Variants in SIPA1L3 observed in about 807,000 individuals in gnomAD.
The protein encoded by SIPA1L3 is signal-induced proliferation-associated 1-like protein 3.
SIPA1L3 carries 59 observed loss-of-function variants against 150.1 expected under a neutral mutation model. The observed-to-expected ratio is 0.39, with a 90% CI of 0.32 to 0.49. The LOEUF (loss-of-function observed/expected upper bound fraction) is 0.49, where lower values mean the gene tolerates loss of function less well. Among genes scored for constraint, SIPA1L3 ranks in the 20% least tolerant of loss-of-function variants. The pLI, the probability that SIPA1L3 is intolerant of heterozygous loss-of-function variation, is 0.86. For missense variants in SIPA1L3, 2,211 were observed against 2,489.5 expected (o/e 0.89, Z 2.38); for synonymous variants, 1,070 against 1,077.6 (o/e 0.99, Z 0.14).
intron 4 of SIPA1L3, among the ~76,000 whole-genome samples, chr19:38,090,415 C>T (rs1022389446): frequency 5.9e-5 from 9 of 151,878 alleles, no homozygotes; most frequent in East Asian, 1.9e-4. Context: ...AGTCCTGAGC[C>T]AGTCGCTGTG....
At chr19:38,125,548 C>G (rs1446676265) in intron 9 of SIPA1L3, among the ~76,000 whole-genome samples, 1 of 152,146 alleles carries the variant, frequency 6.6e-6, no homozygotes, top group Non-Finnish European at 1.5e-5. Flanking sequence ...CACCCCCACC[C>G]CCAGTCTCAG....
intron 2 of SIPA1L3, among the ~76,000 whole-genome samples, chr19:38,030,815 G>A (rs966854977): frequency 8.5e-5 from 13 of 152,122 alleles, no homozygotes; most frequent in South Asian, 2.1e-4. Flanking sequence ...TTGCAGTGAC[G>A]CCTTCCTGGA....
chr19:38,008,490 A>G (rs961499129), intron 1 of SIPA1L3, among the ~76,000 whole-genome samples: 1 of 151,774 alleles, frequency 6.6e-6, no homozygotes, highest in Non-Finnish European at 1.5e-5. Flanking sequence ...CAGCCTCCCA[A>G]AGTGCTGGGA....
intron 2 of SIPA1L3, among the ~76,000 whole-genome samples, chr19:38,070,866 C>T (rs1969699278): frequency 6.6e-6 from 1 of 152,238 alleles, no homozygotes; most frequent in Admixed American, 6.5e-5. Flanking sequence ...TCCCTGAGCC[C>T]TCCAGAGTGC....
chr19:38,161,356 A>T (rs1409534048), intron 13 of SIPA1L3, among the ~76,000 whole-genome samples: 1 of 151,246 alleles, frequency 6.6e-6, no homozygotes, highest in Non-Finnish European at 1.5e-5. Flanking sequence ...AAAAAAAAAA[A>T]AAAAACTATG....
chr19:37,977,195 T>G (rs957056890), intron 1 of SIPA1L3, among the ~76,000 whole-genome samples: 2 of 152,044 alleles, frequency 1.3e-5, no homozygotes, highest in Admixed American at 6.6e-5. Context: ...GATGGAGGCT[T>G]GCTCTGTCGC....
At chr19:37,973,050 G>A (rs1437537968) in intron 1 of SIPA1L3, among the ~76,000 whole-genome samples, 1 of 151,848 alleles carries the variant, frequency 6.6e-6, no homozygotes, top group Non-Finnish European at 1.5e-5. Context: ...CTAAAATATA[G>A]GGGTTCCGTT....
chr19:38,059,880 A>T (rs1407572085), intron 2 of SIPA1L3, among the ~76,000 whole-genome samples: 1 of 152,016 alleles, frequency 6.6e-6, no homozygotes, highest in Admixed American at 6.6e-5. Context: ...GGTTCAAGCA[A>T]TTCTCCTGCC....
chr19:38,195,844 G>A (rs973736010), intron 18 of SIPA1L3, among the ~76,000 whole-genome samples: 3 of 75,316 alleles, frequency 4.0e-5, no homozygotes, highest in Non-Finnish European at 5.2e-5. Context: ...CCTACTCACC[G>A]CCTTGTATCC....
chr19:37,998,630 ATAAAT>A (rs1263234716), intron 1 of SIPA1L3, among the ~76,000 whole-genome samples: 1 of 152,142 alleles, frequency 6.6e-6, no homozygotes, highest in African/African-American at 2.4e-5. Context: ...AAAAGTAAAA[ATAAAT>A]TAATTAACCA....
intron 1 of SIPA1L3, among the ~76,000 whole-genome samples, chr19:37,923,262 G>A (rs1344147894): frequency 6.6e-6 from 1 of 152,218 alleles, no homozygotes; most frequent in Non-Finnish European, 1.5e-5. Context: ...GCTGTGTTCT[G>A]AGAAATGTGT....
At chr19:38,015,005 G>C (rs7258557) in intron 1 of SIPA1L3, among the ~76,000 whole-genome samples, 39,119 of 151,228 alleles carry the variant, frequency 0.26, 5,515 homozygotes, top group African/African-American at 0.37. Flanking sequence ...GTTGAGATAT[G>C]ATCTGACTGT....
At chr19:38,010,178 A>T (rs544900243) in intron 1 of SIPA1L3, among the ~76,000 whole-genome samples, 4 of 152,202 alleles carry the variant, frequency 2.6e-5, no homozygotes, top group Admixed American at 6.5e-5. Flanking sequence ...AGGCAGGAGG[A>T]TTGCTTGAGC....
intron 4 of SIPA1L3, 30 bp from the exon 5 acceptor site, chr19:38,099,932 C>G: frequency 1.3e-6 from 2 of 1,558,578 alleles, no homozygotes; most frequent in Non-Finnish European, 1.7e-6. Context: ...CTCGAGAGCC[C>G]CCTAACCTTC....
At chr19:38,185,381 G>C (rs562562403) in intron 16 of SIPA1L3, 11 of 152,300 alleles carry the variant, frequency 7.2e-5, no homozygotes, top group African/African-American at 2.4e-4. Context: ...GTTGGGCCCT[G>C]CTGAACCCTG....
At chr19:38,198,563 C>T (rs746121160) in intron 19 of SIPA1L3, 31 bp downstream of exon 19, 112 of 1,472,502 alleles carry the variant, frequency 7.6e-5, no homozygotes, top group Non-Finnish European at 9.9e-5. Flanking sequence ...CCCGCCAGGC[C>T]CCCACCCCGT....
chr19:37,916,251 T>C (rs537362671), intron 1 of SIPA1L3, among the ~76,000 whole-genome samples: 95 of 152,016 alleles, frequency 6.2e-4, no homozygotes, highest in African/African-American at 2.1e-3. Context: ...GGTCTCAAAC[T>C]CCTGACCTCA....
At chr19:37,929,634 G>T (rs181357600) in intron 1 of SIPA1L3, among the ~76,000 whole-genome samples, 16 of 152,128 alleles carry the variant, frequency 1.1e-4, no homozygotes, top group South Asian at 8.3e-4. Flanking sequence ...GAAACACCTG[G>T]GTCTCACCCA....
intron 4 of SIPA1L3, among the ~76,000 whole-genome samples, chr19:38,098,604 A>G (rs898924103): frequency 6.6e-6 from 1 of 152,120 alleles, no homozygotes; most frequent in African/African-American, 2.4e-5. Context: ...CATGTTGGCC[A>G]GGCTGGTCTC....
Sources: gnomAD v4.1 joint callset for allele counts (sites outside exome capture counted in the v4.1 genomes callset) on GRCh38, gnomAD v4.1.1 for gene constraint, MANE v1.5 for transcripts, NCBI Gene and HGNC (gene_info 2026-07-23, HGNC 2026-07-21) for gene names.